The following FRMD4A variants were observed in gnomAD, a reference collection of about 807,000 sequenced individuals.
FRMD4A encodes FERM domain containing 4A.
In FRMD4A, 29 loss-of-function variants were observed where a neutral mutation model predicts 129.1. The ratio of observed to expected loss-of-function variants is 0.22; its 90% CI spans 0.17 to 0.31. The LOEUF (loss-of-function observed/expected upper bound fraction) is 0.31. Ranked by LOEUF, FRMD4A falls within the 10% of genes least tolerant of loss-of-function variation. The pLI, the probability that FRMD4A is intolerant of heterozygous loss-of-function variation, is 1.00. For missense variants in FRMD4A, 1,272 were observed against 1,375.8 expected, an observed-to-expected ratio of 0.92 and a Z score of 1.19; for synonymous variants, 634 against 571.6, an observed-to-expected ratio of 1.11 and a Z score of -1.56.
At chr10:14,240,550 G>C (rs1337474181) in intron 2 of FRMD4A, among the ~76,000 whole-genome samples, 1 of 152,164 alleles carries the variant, frequency 6.6e-6, no homozygotes, top group Admixed American at 6.5e-5. Context: ...CTGGTCTCCT[G>C]ATGGAGGTTC....
chr10:13,997,838 A>T (rs1339334947), intron 2 of FRMD4A, among the ~76,000 whole-genome samples: 1 of 151,682 alleles, frequency 6.6e-6, no homozygotes, highest in African/African-American at 2.4e-5. Flanking sequence ...TTGTTCTCAA[A>T]ACTCCTGACC....
chr10:14,265,368 T>C lies in FRMD4A; in HGVS notation c.45+64690A>G, dbSNP rs535038129. Among the ~76,000 whole-genome samples, 9 of 152,344 alleles carry C rather than the reference T, an allele frequency of 5.9e-5. No homozygotes were observed. The South Asian group carries it at 6.2e-4, about 11-fold the overall frequency. ...ATCCTTGGCTATGTCTCTAGGATCA[T>C]AGTAACAAGATTTTTGTTTTGGTTT... On this transcript the variant is annotated intron_variant, in intron 2 of 24. Transcript: ENST00000357447.
At chr10:14,304,180 C>A (rs1258435305) in intron 2 of FRMD4A, among the ~76,000 whole-genome samples, 4 of 152,130 alleles carry the variant, frequency 2.6e-5, no homozygotes, top group African/African-American at 7.2e-5. Flanking sequence ...TATGGTAATT[C>A]TATTTTTAAA....
intron 2 of FRMD4A, among the ~76,000 whole-genome samples, chr10:14,103,722 G>C (rs1295025070): frequency 6.6e-6 from 1 of 152,064 alleles, no homozygotes; most frequent in Non-Finnish European, 1.5e-5. Flanking sequence ...CACACTCTAA[G>C]GGGCACCTTA....
At chr10:14,175,157 G>A (rs1841671068) in intron 2 of FRMD4A, among the ~76,000 whole-genome samples, 1 of 152,084 alleles carries the variant, frequency 6.6e-6, no homozygotes, top group Admixed American at 6.5e-5. Context: ...CTTAAATGTG[G>A]CTACACACAT....
At chr10:14,276,846 G>A (rs1845359046) in intron 2 of FRMD4A, among the ~76,000 whole-genome samples, 1 of 152,040 alleles carries the variant, frequency 6.6e-6, no homozygotes, top group Non-Finnish European at 1.5e-5. Flanking sequence ...CTTCGGGCTG[G>A]GATTTTATTA....
chr10:14,230,923 T>C (rs1465210550), intron 2 of FRMD4A, among the ~76,000 whole-genome samples: 2 of 152,240 alleles, frequency 1.3e-5, no homozygotes, highest in Non-Finnish European at 2.9e-5. Flanking sequence ...CTTAGGATAA[T>C]GGCCTCCAGC....
At chr10:13,761,550 A>T in intron 8 of FRMD4A, 97 bp downstream of exon 8, 1 of 796,944 alleles carries the variant, frequency 1.3e-6, no homozygotes. Flanking sequence ...AACATGAATA[A>T]ATTGTCCACC....
chr10:14,069,099 A>G (rs1231643093), intron 2 of FRMD4A, among the ~76,000 whole-genome samples: 1 of 151,888 alleles, frequency 6.6e-6, no homozygotes, highest in Admixed American at 6.6e-5. Flanking sequence ...TTGGTGATTC[A>G]CTTTTTAGGG....
At chr10:13,682,767 C>T (rs749065128) in intron 15 of FRMD4A, among the ~76,000 whole-genome samples, 27 of 152,136 alleles carry the variant, frequency 1.8e-4, no homozygotes, top group Non-Finnish European at 3.5e-4. Context: ...CTCGGCCTCC[C>T]AAAGTGCTGG....
At chr10:13,968,024 G>T (rs1182864699) in intron 2 of FRMD4A, among the ~76,000 whole-genome samples, 2 of 152,164 alleles carry the variant, frequency 1.3e-5, no homozygotes, top group African/African-American at 4.8e-5. Flanking sequence ...CAGCGGGGGC[G>T]CTTAAGACAT....
intron 2 of FRMD4A, among the ~76,000 whole-genome samples, chr10:14,117,612 A>C (rs1838265085): frequency 6.6e-6 from 1 of 152,220 alleles, no homozygotes; most frequent in Admixed American, 6.5e-5. Flanking sequence ...TGCTAGGTGA[A>C]GGCTGAAGGT....
At chr10:13,955,112 C>CTTTTTATTT (rs2095401801) in intron 2 of FRMD4A, among the ~76,000 whole-genome samples, 2 of 102,974 alleles carry the variant, frequency 1.9e-5, no homozygotes, top group Non-Finnish European at 3.6e-5. Context: ...AATAATTCTG[C>CTTTTTATTT]TTTTTTTTTT....
chr10:13,954,122 T>C (rs2095393008), intron 2 of FRMD4A, among the ~76,000 whole-genome samples: 1 of 152,128 alleles, frequency 6.6e-6, no homozygotes, highest in African/African-American at 2.4e-5. Context: ...CCATTTAGCC[T>C]TTGCTGCTTC....
At chr10:13,778,755 C>A (rs978959768) in intron 6 of FRMD4A, among the ~76,000 whole-genome samples, 4 of 152,080 alleles carry the variant, frequency 2.6e-5, no homozygotes, top group Non-Finnish European at 5.9e-5. Flanking sequence ...CAGACAAGCG[C>A]ACGAGGAGAG....
At chr10:13,681,109 C>G (rs1396808423) in intron 15 of FRMD4A, among the ~76,000 whole-genome samples, 1 of 152,218 alleles carries the variant, frequency 6.6e-6, no homozygotes, top group Non-Finnish European at 1.5e-5. Context: ...CCTCGTGCCT[C>G]TAGCAGTCAT....
intron 6 of FRMD4A, among the ~76,000 whole-genome samples, chr10:13,772,216 A>G (rs956223670): frequency 1.4e-5 from 2 of 146,572 alleles, no homozygotes; most frequent in African/African-American, 5.0e-5. Context: ...TTTATTTATT[A>G]TTATTATATA....
chr10:14,197,110 C>T (rs74122397), intron 2 of FRMD4A, among the ~76,000 whole-genome samples: 15 of 152,228 alleles, frequency 9.9e-5, no homozygotes, highest in African/African-American at 3.4e-4. Context: ...CCAGGGGGCG[C>T]GACAATAAGG....
intron 17 of FRMD4A, among the ~76,000 whole-genome samples, chr10:13,669,188 T>C (rs2083313370): frequency 6.6e-6 from 1 of 150,572 alleles, no homozygotes; most frequent in African/African-American, 2.5e-5. Context: ...GCCTCCTGAG[T>C]AGCTGGGATT....
Sources: allele counts gnomAD v4.1 joint callset (sites outside exome capture counted in the v4.1 genomes callset), GRCh38; gene constraint gnomAD v4.1.1; transcripts MANE v1.5; gene names NCBI Gene and HGNC (gene_info 2026-07-23, HGNC 2026-07-21).